FBXL7: variants seen among roughly 807,000 people sequenced by gnomAD.
FBXL7 encodes F-box and leucine rich repeat protein 7, also known as F-box/LRR-repeat protein 7.
In FBXL7, 12 loss-of-function variants were observed where a neutral mutation model predicts 38.3. That is an observed-to-expected ratio of 0.31 (90% CI 0.20 to 0.51). The LOEUF is 0.51. Among genes scored for constraint, FBXL7 ranks in the 20% least tolerant of loss-of-function variants. The pLI, the probability that FBXL7 is intolerant of heterozygous loss-of-function variation, is 0.98. For missense variants in FBXL7, 567 were observed against 676.4 expected (o/e 0.84, Z 1.79); for synonymous variants, 297 against 300.9 (o/e 0.99, Z 0.13).
chr5:15,685,017 G>A (rs12655356), intron 2 of FBXL7, among the ~76,000 whole-genome samples: 78,511 of 151,924 alleles, frequency 0.52, 20,554 homozygotes, highest in East Asian at 0.67. Flanking sequence ...GCATTTCTCT[G>A]AATAAAGAGG....
intron 2 of FBXL7, among the ~76,000 whole-genome samples, chr5:15,626,004 TGTG>T (rs1440056683): frequency 6.6e-6 from 1 of 152,128 alleles, no homozygotes; most frequent in East Asian, 1.9e-4. Context: ...AAGTCAGAAA[TGTG>T]GTATTAGGAG....
intron 2 of FBXL7, among the ~76,000 whole-genome samples, chr5:15,839,263 C>G (rs987441549): frequency 6.6e-6 from 1 of 151,976 alleles, no homozygotes; most frequent in African/African-American, 2.4e-5. Flanking sequence ...ATTTATCTAT[C>G]ATTTTGTGAT....
chr5:15,765,140 G>C (rs1736551710), intron 2 of FBXL7, among the ~76,000 whole-genome samples: 1 of 152,112 alleles, frequency 6.6e-6, no homozygotes, highest in Admixed American at 6.6e-5. Flanking sequence ...ATGTTCATCT[G>C]TAAAAACCCT....
At chr5:15,676,635 T>C (rs879883978) in intron 2 of FBXL7, among the ~76,000 whole-genome samples, 5 of 152,240 alleles carry the variant, frequency 3.3e-5, no homozygotes, top group Admixed American at 3.3e-4. Flanking sequence ...TGATTTGCCC[T>C]GCAAGGAGCT....
At chr5:15,646,803 G>C (rs1741545921) in intron 2 of FBXL7, among the ~76,000 whole-genome samples, 1 of 152,196 alleles carries the variant, frequency 6.6e-6, no homozygotes, top group African/African-American at 2.4e-5. Context: ...ATGTGTTATG[G>C]TGACAGTCGC....
chr5:15,639,980 G>C (rs1231503048), intron 2 of FBXL7, among the ~76,000 whole-genome samples: 1 of 152,058 alleles, frequency 6.6e-6, no homozygotes, highest in Admixed American at 6.5e-5. Context: ...GGCAGGGGCA[G>C]TTATCCTAGG....
intron 1 of FBXL7, among the ~76,000 whole-genome samples, chr5:15,603,002 T>C (rs1739852580): frequency 6.6e-6 from 1 of 152,026 alleles, no homozygotes; most frequent in African/African-American, 2.4e-5. Flanking sequence ...ACTGGCTAAT[T>C]TTTTTAAATT....
At chr5:15,775,758 A>G (rs1362425199) in intron 2 of FBXL7, among the ~76,000 whole-genome samples, 4 of 152,170 alleles carry the variant, frequency 2.6e-5, no homozygotes, top group Non-Finnish European at 5.9e-5. Flanking sequence ...GATAATTAAA[A>G]ACGAGGATAG....
chr5:15,754,661 T>C (rs1470928825), intron 2 of FBXL7, among the ~76,000 whole-genome samples: 1 of 152,180 alleles, frequency 6.6e-6, no homozygotes, highest in African/African-American at 2.4e-5. Flanking sequence ...AAAAGTAAAA[T>C]GAAATTAAAT....
chr5:15,730,644 TATAATC>T (rs1213551094), intron 2 of FBXL7, among the ~76,000 whole-genome samples: 2 of 152,364 alleles, frequency 1.3e-5, no homozygotes, highest in East Asian at 1.9e-4. Flanking sequence ...GGAATATAGA[TATAATC>T]ATATCATTGT....
intron 1 of FBXL7, among the ~76,000 whole-genome samples, chr5:15,523,163 A>G (rs1216687449): frequency 2.0e-5 from 3 of 152,240 alleles, no homozygotes; most frequent in Non-Finnish European, 4.4e-5. Context: ...AAGTTAGGGT[A>G]AATGGCACTA....
chr5:15,842,158 T>C (rs1186472279), intron 2 of FBXL7, among the ~76,000 whole-genome samples: 3 of 152,192 alleles, frequency 2.0e-5, no homozygotes, highest in Non-Finnish European at 4.4e-5. Context: ...GGAGGGGGGC[T>C]GAACCCTGCA....
intron 2 of FBXL7, among the ~76,000 whole-genome samples, chr5:15,683,379 G>A (rs567943999): frequency 1.2e-4 from 19 of 152,314 alleles, no homozygotes; most frequent in East Asian, 7.7e-4. Flanking sequence ...ACCAGGACCC[G>A]TGTCAGGGAG....
At chr5:15,876,634 A>C (rs1740220623) in intron 2 of FBXL7, among the ~76,000 whole-genome samples, 2 of 152,348 alleles carry the variant, frequency 1.3e-5, no homozygotes, top group African/African-American at 4.8e-5. Context: ...TCAAAATAAG[A>C]AACTGACTTT....
intron 2 of FBXL7, among the ~76,000 whole-genome samples, chr5:15,707,051 C>G (rs1316135070): frequency 6.6e-6 from 1 of 151,956 alleles, no homozygotes; most frequent in Non-Finnish European, 1.5e-5. Flanking sequence ...GAATGCCGAC[C>G]TGGAACTGTG....
chr5:15,610,306 T>C (rs1006818989), intron 1 of FBXL7, among the ~76,000 whole-genome samples: 2 of 152,324 alleles, frequency 1.3e-5, no homozygotes, highest in African/African-American at 4.8e-5. Flanking sequence ...GCTCCCCTCC[T>C]GTGCCTCTCT....
At chr5:15,659,573 C>T (rs964979285) in intron 2 of FBXL7, among the ~76,000 whole-genome samples, 7 of 152,060 alleles carry the variant, frequency 4.6e-5, no homozygotes, top group African/African-American at 1.7e-4. Context: ...TTTAAAGATA[C>T]ACAAATGCAT....
At chr5:15,813,487 A>G (rs1737924653) in intron 2 of FBXL7, among the ~76,000 whole-genome samples, 1 of 152,220 alleles carries the variant, frequency 6.6e-6, no homozygotes, top group South Asian at 2.1e-4. Flanking sequence ...AACAAAACCT[A>G]GGCAGTACCA....
intron 2 of FBXL7, among the ~76,000 whole-genome samples, chr5:15,836,324 A>C (rs950650128): frequency 5.9e-5 from 9 of 152,340 alleles, no homozygotes; most frequent in African/African-American, 2.2e-4. Context: ...GACGGACAAT[A>C]AGAAACATGA....
Sources: allele counts gnomAD v4.1 joint callset (sites outside exome capture counted in the v4.1 genomes callset), GRCh38; gene constraint gnomAD v4.1.1; transcripts MANE v1.5; gene names NCBI Gene and HGNC (gene_info 2026-07-23, HGNC 2026-07-21).